Variants in PLXDC1 observed in about 807,000 individuals in gnomAD.
The protein encoded by PLXDC1 is plexin domain containing 1, also known as plexin domain-containing protein 1.
A neutral mutation model predicts 61.3 loss-of-function variants in PLXDC1; 39 were observed. The ratio of observed to expected loss-of-function variants is 0.64; its 90% CI spans 0.49 to 0.83. The LOEUF is 0.83. Ranked by LOEUF, PLXDC1 falls within the 40% of genes least tolerant of loss-of-function variation. The pLI, the probability that PLXDC1 is intolerant of heterozygous loss-of-function variation, is 0.00. For missense variants in PLXDC1, 596 were observed against 666.5 expected (o/e 0.89, Z 1.17); for synonymous variants, 212 against 254.5 (o/e 0.83, Z 1.59).
chr17:39,139,952 TTGAC>T (rs1364926068), intron 1 of PLXDC1, 120 bp from the exon 2 acceptor site: 3 of 978,952 alleles, frequency 3.1e-6, no homozygotes, highest in African/African-American at 1.6e-5. Context: ...TTGCAGACAC[TTGAC>T]TGACTACCAG....
At chr17:39,129,570 TTG>T (rs1279499403) in intron 2 of PLXDC1, among the ~76,000 whole-genome samples, 2 of 149,782 alleles carry the variant, frequency 1.3e-5, no homozygotes, top group South Asian at 2.1e-4. Context: ...TGAGCTGAGA[TTG>T]CGCCACTACA....
At chr17:39,076,753 T>A (rs1472330181) in intron 11 of PLXDC1, among the ~76,000 whole-genome samples, 1 of 152,110 alleles carries the variant, frequency 6.6e-6, no homozygotes, top group African/African-American at 2.4e-5. Context: ...TGTGTTGTTC[T>A]GAGACAGGGT....
intron 12 of PLXDC1, among the ~76,000 whole-genome samples, chr17:39,071,613 A>C (rs1261704905): frequency 6.6e-6 from 1 of 152,150 alleles, no homozygotes; most frequent in African/African-American, 2.4e-5. Flanking sequence ...ATCAGCCCGC[A>C]GCCTGCAGTG....
chr17:39,128,087 C>CTATGTATATATA (rs1304464750), intron 2 of PLXDC1, among the ~76,000 whole-genome samples: 13 of 67,248 alleles, frequency 1.9e-4, no homozygotes, highest in African/African-American at 5.4e-4. Context: ...CTCTCTCTCT[C>CTATGTATATATA]TCTCTATGTG....
intron 11 of PLXDC1, 155 bp from the exon 12 acceptor site, chr17:39,072,640 C>T (rs1354573565): frequency 1.5e-6 from 1 of 666,270 alleles, no homozygotes; most frequent in Non-Finnish European, 2.8e-6. Context: ...TCAAGTCACA[C>T]AGCAGTTGAG....
chr17:39,072,487 T>C lies in PLXDC1; in HGVS notation c.1187-2A>G, dbSNP rs1403599968. On this transcript the variant is annotated splice_acceptor_variant, in intron 11 of 13. Transcript: ENST00000315392. LOFTEE classifies it high-confidence loss of function. Reference sequence around the variant, plus strand: ...CATAGGGATTCAACTTGGTGTCATCTTCAAAGAGAGAAGACAGAAGGAGCA... The same window carrying C: ...CATAGGGATTCAACTTGGTGTCATCCTCAAAGAGAGAAGACAGAAGGAGCA... The C allele has an allele frequency of 6.5e-7, 1 of 1,536,010 alleles. No individual in the cohort carries two copies. The highest frequency in any genetic ancestry group is 1.9e-5 in the Admixed American group (1 of 51,566).
At chr17:39,129,707 A>AGAAAGAAG (rs1911484114) in intron 2 of PLXDC1, among the ~76,000 whole-genome samples, 1 of 146,132 alleles carries the variant, frequency 6.8e-6, no homozygotes, top group African/African-American at 2.7e-5. Flanking sequence ...AAAGAAAGAA[A>AGAAAGAAG]GAAGGAAAGA....
chr17:39,081,250 C>T (rs1313521519), intron 9 of PLXDC1: 1 of 152,568 alleles, frequency 6.6e-6, no homozygotes, highest in East Asian at 1.9e-4. Flanking sequence ...AAGAACCAAC[C>T]TGGGGTCTAT....
At chr17:39,138,502 C>G (rs1911826472) in intron 2 of PLXDC1, among the ~76,000 whole-genome samples, 1 of 152,150 alleles carries the variant, frequency 6.6e-6, no homozygotes, top group Non-Finnish European at 1.5e-5. Context: ...TATACAAAAG[C>G]CAAATCTCCC....
intron 7 of PLXDC1, among the ~76,000 whole-genome samples, chr17:39,091,205 G>T (rs1437403336): frequency 6.6e-6 from 1 of 152,214 alleles, no homozygotes; most frequent in Non-Finnish European, 1.5e-5. Flanking sequence ...GGGGACGGCA[G>T]TGCTCAGGTG....
intron 6 of PLXDC1, among the ~76,000 whole-genome samples, chr17:39,106,624 C>G (rs182010870): frequency 5.7e-4 from 86 of 151,102 alleles, no homozygotes; most frequent in Non-Finnish European, 7.4e-4. Context: ...CATCATGCTG[C>G]CTTCTTTTTT....
At chr17:39,086,955 A>G (rs1909765150) in intron 8 of PLXDC1, among the ~76,000 whole-genome samples, 1 of 152,066 alleles carries the variant, frequency 6.6e-6, no homozygotes, top group Non-Finnish European at 1.5e-5. Flanking sequence ...GGGCACCACA[A>G]GATGGGAGAG....
At chr17:39,143,695 C>G (rs918433593) in intron 1 of PLXDC1, among the ~76,000 whole-genome samples, 4 of 152,238 alleles carry the variant, frequency 2.6e-5, no homozygotes, top group African/African-American at 9.6e-5. Context: ...CTGGCGCCTA[C>G]TGGACCCTTG....
At chr17:39,110,531 C>T (rs948791833) in intron 2 of PLXDC1, among the ~76,000 whole-genome samples, 54 of 152,318 alleles carry the variant, frequency 3.5e-4, no homozygotes, top group African/African-American at 1.1e-3. Context: ...TTCCTGGAGC[C>T]GACCCAAGAG....
At chr17:39,116,319 G>A (rs1567765894) in intron 2 of PLXDC1, among the ~76,000 whole-genome samples, 1 of 152,026 alleles carries the variant, frequency 6.6e-6, no homozygotes, top group African/African-American at 2.4e-5. Context: ...GCTCAGGGAT[G>A]GTGGCACATT....
chr17:39,088,330 G>C (rs1315857306), intron 7 of PLXDC1, among the ~76,000 whole-genome samples: 1 of 152,222 alleles, frequency 6.6e-6, no homozygotes, highest in Admixed American at 6.5e-5. Context: ...CTCAGGGCTT[G>C]CAGCCAGGCT....
upstream of PLXDC1, among the ~76,000 whole-genome samples, chr17:39,152,091 C>T (rs111494454): frequency 2.5e-3 from 364 of 148,526 alleles, 1 homozygote; most frequent in African/African-American, 8.8e-3. Flanking sequence ...CCCCCACCCC[C>T]AGAAATCTCC....
At chr17:39,134,749 C>T (rs1170516677) in intron 2 of PLXDC1, among the ~76,000 whole-genome samples, 1 of 152,156 alleles carries the variant, frequency 6.6e-6, no homozygotes. Flanking sequence ...CCTCCAGGGA[C>T]AAGAGTGCAA....
At chr17:39,077,624 C>T (rs1389138749) in intron 11 of PLXDC1, among the ~76,000 whole-genome samples, 1 of 152,170 alleles carries the variant, frequency 6.6e-6, no homozygotes, top group African/African-American at 2.4e-5. Context: ...CTGGCACTGG[C>T]CTGGGCTATT....
Sources: gnomAD v4.1 joint callset for allele counts (sites outside exome capture counted in the v4.1 genomes callset) on GRCh38, gnomAD v4.1.1 for gene constraint, MANE v1.5 for transcripts, NCBI Gene and HGNC (gene_info 2026-07-23, HGNC 2026-07-21) for gene names.